Variants in NUBPL observed in about 807,000 individuals in gnomAD.
The protein encoded by NUBPL is NUBP iron-sulfur cluster assembly factor, mitochondrial, also known as iron-sulfur cluster transfer protein NUBPL.
Under a neutral mutation model 45.7 loss-of-function variants are expected in NUBPL, and 31 were observed. The ratio of observed to expected loss-of-function variants is 0.68; its 90% CI spans 0.51 to 0.92. The LOEUF (loss-of-function observed/expected upper bound fraction) is 0.92. Ranked by LOEUF, NUBPL falls within the 40% of genes least tolerant of loss-of-function variation. The probability of loss-of-function intolerance (pLI) is 0.00; values close to 1 mark genes in which losing one functional copy is unlikely to be tolerated. For missense variants in NUBPL, 401 were observed against 398.7 expected (o/e 1.01, Z -0.05); for synonymous variants, 144 against 140.9 (o/e 1.02, Z -0.15).
intron 6 of NUBPL, among the ~76,000 whole-genome samples, chr14:31,701,062 A>G (rs1475961871): frequency 7.9e-5 from 12 of 152,222 alleles, no homozygotes; most frequent in African/African-American, 2.9e-4. Context: ...GGAGGATTGT[A>G]TGTGCACCAG....
intron 4 of NUBPL, among the ~76,000 whole-genome samples, chr14:31,618,388 T>C (rs977067042): frequency 2.0e-5 from 3 of 152,356 alleles, no homozygotes; most frequent in Admixed American, 2.0e-4. Flanking sequence ...TTTAGATCTT[T>C]CCTGCTTTCT....
rs558275531 is a variant in NUBPL, at chr14:31,739,049, T to C, written c.514-48731T>C. ...TTGTTTTGAGATGGAGTCTCATTCT[T>C]GTCACCCAGGCTGGAGTGCAGTGGC... On this transcript the variant is annotated intron_variant, in intron 6 of 10. Transcript: ENST00000281081. Among the ~76,000 whole-genome samples, 314 of 151,318 alleles carry C rather than the reference T, an allele frequency of 2.1e-3. 1 individual carries two copies. The highest frequency in any genetic ancestry group is 7.3e-3 in the African/African-American group (300 of 41,334).
At chr14:31,618,223 C>G (rs1196271011) in intron 4 of NUBPL, among the ~76,000 whole-genome samples, 1 of 151,908 alleles carries the variant, frequency 6.6e-6, no homozygotes, top group Non-Finnish European at 1.5e-5. Flanking sequence ...TTCAAAATAC[C>G]AGCTCCTGGA....
intron 4 of NUBPL, among the ~76,000 whole-genome samples, chr14:31,603,423 A>G (rs1220102844): frequency 6.6e-6 from 1 of 152,002 alleles, no homozygotes; most frequent in Non-Finnish European, 1.5e-5. Flanking sequence ...TAATGAGTAT[A>G]AAATTGAATA....
chr14:31,569,933 C>A (rs139519029), intron 3 of NUBPL, among the ~76,000 whole-genome samples: 1 of 152,010 alleles, frequency 6.6e-6, no homozygotes, highest in Non-Finnish European at 1.5e-5. Flanking sequence ...CATTCTTTTA[C>A]GGCAAAAATT....
intron 4 of NUBPL, among the ~76,000 whole-genome samples, chr14:31,628,337 A>G (rs1161761087): frequency 2.0e-5 from 3 of 152,184 alleles, no homozygotes; most frequent in Non-Finnish European, 4.4e-5. Flanking sequence ...TTTAGAAAAC[A>G]TTAGTTCATT....
intron 4 of NUBPL, among the ~76,000 whole-genome samples, chr14:31,666,263 A>ATATATATATATATATATTATT: frequency 8.9e-6 from 1 of 111,884 alleles, no homozygotes; most frequent in Non-Finnish European, 1.9e-5. Context: ...ATATATATAT[A>ATATATATATATATATATTATT]ATTTTATTTT....
At chr14:31,786,995 G>C (rs1333906296) in intron 6 of NUBPL, among the ~76,000 whole-genome samples, 1 of 152,204 alleles carries the variant, frequency 6.6e-6, no homozygotes, top group African/African-American at 2.4e-5. Flanking sequence ...TGGGTTCTTG[G>C]CAGTGGAGAA....
In NUBPL at chr14:31,726,833, C is replaced by T. The variant is rs2037936182; in HGVS notation, c.513+53259C>T. Among the ~76,000 whole-genome samples, 5 of 149,328 alleles carry T rather than the reference C, an allele frequency of 3.3e-5. No individual in the cohort carries two copies. The East Asian group carries it at 5.8e-4, about 17-fold the overall frequency. ...GGAAGTCAAAGGCATCACTGCAGGGCTTCTCAACAGTGGCACTATCAATGT... is the reference window on the plus strand; with the variant it reads ...GGAAGTCAAAGGCATCACTGCAGGGTTTCTCAACAGTGGCACTATCAATGT... On this transcript the variant is annotated intron_variant, in intron 6 of 10. Coordinates refer to ENST00000281081, the MANE Select transcript of NUBPL (RefSeq NM_025152.3).
At chr14:31,840,215 G>A (rs954274333) in intron 8 of NUBPL, among the ~76,000 whole-genome samples, 5 of 152,122 alleles carry the variant, frequency 3.3e-5, no homozygotes, top group African/African-American at 1.2e-4. Context: ...CAGATGAATG[G>A]ATTTTAAAAA....
intron 4 of NUBPL, among the ~76,000 whole-genome samples, chr14:31,610,428 G>A (rs769940973): frequency 2.9e-4 from 44 of 151,574 alleles, no homozygotes; most frequent in Non-Finnish European, 6.3e-4. Context: ...GTAATAAAAA[G>A]TCTCCCAGTA....
chr14:31,725,709 C>CTT (rs375160082), intron 6 of NUBPL, among the ~76,000 whole-genome samples: 73,842 of 104,888 alleles, frequency 0.7, 29,007 homozygotes, highest in East Asian at 0.94. Context: ...TAGATTTCAG[C>CTT]TTTTTTTTTT....
chr14:31,745,639 C>T (rs1413630445), intron 6 of NUBPL, among the ~76,000 whole-genome samples: 1 of 151,766 alleles, frequency 6.6e-6, no homozygotes, highest in Admixed American at 6.6e-5. Flanking sequence ...ATTTTGTATC[C>T]TGTTACTTTA....
intron 6 of NUBPL, among the ~76,000 whole-genome samples, chr14:31,706,124 A>G (rs996396603): frequency 4.0e-5 from 6 of 151,682 alleles, no homozygotes; most frequent in African/African-American, 1.4e-4. Flanking sequence ...AGAGTGAGCA[A>G]GGGCTGCTAG....
chr14:31,800,787 C>G (rs1207172785), intron 7 of NUBPL: 1 of 152,146 alleles, frequency 6.6e-6, no homozygotes, highest in East Asian at 1.9e-4. Context: ...TAAGTAAAGA[C>G]TTCATGCTTC....
At chr14:31,659,420 T>C (rs2036216879) in intron 4 of NUBPL, among the ~76,000 whole-genome samples, 2 of 152,340 alleles carry the variant, frequency 1.3e-5, no homozygotes, top group South Asian at 4.1e-4. Flanking sequence ...GATCAATTAC[T>C]GGTGACAAGG....
At chr14:31,813,646 C>T (rs1459436810) in intron 7 of NUBPL, among the ~76,000 whole-genome samples, 1 of 152,096 alleles carries the variant, frequency 6.6e-6, no homozygotes, top group Non-Finnish European at 1.5e-5. Flanking sequence ...ATCAACCTGT[C>T]ATCTACATTA....
intron 6 of NUBPL, among the ~76,000 whole-genome samples, chr14:31,747,113 A>G (rs994662126): frequency 1.0e-4 from 15 of 146,866 alleles, no homozygotes; most frequent in African/African-American, 3.5e-4. Flanking sequence ...AGAATTCAGC[A>G]GTAAAGCGAT....
intron 3 of NUBPL, among the ~76,000 whole-genome samples, chr14:31,592,887 A>G (rs1320586966): frequency 1.3e-5 from 2 of 152,182 alleles, no homozygotes; most frequent in African/African-American, 4.8e-5. Flanking sequence ...GGTTCTGGGT[A>G]TATAGTAGTG....
Sources: allele counts gnomAD v4.1 joint callset (sites outside exome capture counted in the v4.1 genomes callset), GRCh38; gene constraint gnomAD v4.1.1; transcripts MANE v1.5; gene names NCBI Gene and HGNC (gene_info 2026-07-23, HGNC 2026-07-21).